Variants in PPM1B observed in about 807,000 individuals in gnomAD.
PPM1B encodes the protein protein phosphatase 1B.
PPM1B carries 22 observed loss-of-function variants against 43.0 expected under a neutral mutation model. That is an observed-to-expected ratio of 0.51 (90% CI 0.37 to 0.73). PPM1B has a LOEUF of 0.73. Among genes scored for constraint, PPM1B ranks in the 30% least tolerant of loss-of-function variants. PPM1B has a pLI of 0.00. For synonymous variants in PPM1B, 217 were observed against 197.9 expected (o/e 1.10, Z -0.81); for missense variants, 632 against 584.2 (o/e 1.08, Z -0.84).
chr2:44,222,758 C>G (rs987548303), intron 5 of PPM1B, among the ~76,000 whole-genome samples: 1 of 152,084 alleles, frequency 6.6e-6, no homozygotes, highest in Non-Finnish European at 1.5e-5. Flanking sequence ...ATGTCTGTAC[C>G]CCACCTGTGT....
intron 5 of PPM1B, among the ~76,000 whole-genome samples, chr2:44,242,440 A>T (rs1670770175): frequency 6.6e-6 from 1 of 152,198 alleles, no homozygotes; most frequent in Non-Finnish European, 1.5e-5. Context: ...TCTGGGCAAT[A>T]GGTAAAATTG....
At chr2:44,193,861 G>C (rs1035301316) in intron 1 of PPM1B, among the ~76,000 whole-genome samples, 3 of 152,104 alleles carry the variant, frequency 2.0e-5, no homozygotes, top group Non-Finnish European at 2.9e-5. Flanking sequence ...TTACAGGCGT[G>C]AGCCACTGTG....
In PPM1B at chr2:44,231,036, A is replaced by G. The variant is rs867312019; in HGVS notation, c.*318A>G. The G allele has an allele frequency of 1.1e-6, 1 of 936,398 alleles. No individual in the cohort carries two copies. Among genetic ancestry groups the G allele is most frequent in the Non-Finnish European group, 1.3e-6 (1 of 775,360 alleles). The allele number at this position is 936,398 out of a possible 1,614,324, so 58.0% of individuals were successfully genotyped here. A position where few individuals can be genotyped will look rare whatever the true frequency, so the allele number is the denominator to read the frequency against. On this transcript the variant is annotated 3_prime_UTR_variant, in exon 6 of 6. Transcript: ENST00000282412. ...ATTAGAAATTTTGATTAGAGAGATT[A>G]TGCTATATTATGGAAAAACTTGTTA...
intron 1 of PPM1B, among the ~76,000 whole-genome samples, chr2:44,197,106 G>C (rs992934549): frequency 1.3e-5 from 2 of 152,046 alleles, no homozygotes; most frequent in Admixed American, 1.3e-4. Flanking sequence ...CCCCTACCCA[G>C]TTTCCACTAA....
In PPM1B at chr2:44,230,545, G is replaced by A. The variant is rs758695856; in HGVS notation, c.1267G>A (p.Val423Ile). ...EMLTSYRLAK[V>I]EGEESPAEPA... ...GCTGACTAGTTACAGGCTAGCTAAA[G>A]TAGAGGGAGAAGAAAGCCCTGCTGA... The change falls in exon 6 of 6, where the codon GTA (valine) becomes ATA (isoleucine). Residue 423 changes from valine (V) to isoleucine (I), a missense_variant. By Grantham distance (29) the Val-to-Ile change is conservative. Coordinates refer to ENST00000282412, the MANE Select transcript of PPM1B (RefSeq NM_002706.6). 4 of 1,614,162 alleles carry A rather than the reference G, an allele frequency of 2.5e-6. No homozygotes were observed. Among genetic ancestry groups the A allele is most frequent in the Non-Finnish European group, 3.4e-6 (4 of 1,180,006 alleles).
At chr2:44,213,257 G>A (rs904347135) in intron 3 of PPM1B, among the ~76,000 whole-genome samples, 4 of 151,170 alleles carry the variant, frequency 2.6e-5, no homozygotes, top group Middle Eastern at 3.4e-3. Flanking sequence ...TTCTTTGTGG[G>A]AGGACTTTGA....
exon 6 of PPM1B, chr2:44,244,350 C>T (rs771107868): frequency 7.4e-7 from 1 of 1,357,596 alleles, no homozygotes; most frequent in South Asian, 1.1e-5. Flanking sequence ...TTTGTAAACC[C>T]GAACGAAAAA....
intron 5 of PPM1B, among the ~76,000 whole-genome samples, chr2:44,242,159 G>A (rs1253312298): frequency 6.6e-6 from 1 of 152,030 alleles, no homozygotes; most frequent in Non-Finnish European, 1.5e-5. Flanking sequence ...CGCCTGGCCA[G>A]AAAATAATCT....
At chr2:44,177,819 C>G (rs1025069046) in intron 1 of PPM1B, among the ~76,000 whole-genome samples, 1 of 150,218 alleles carries the variant, frequency 6.7e-6, no homozygotes, top group Non-Finnish European at 1.5e-5. Flanking sequence ...GTTCTTGTCA[C>G]TTAATATTTT....
chr2:44,177,460 C>T (rs189889047), intron 1 of PPM1B, among the ~76,000 whole-genome samples: 1 of 130,520 alleles, frequency 7.7e-6, no homozygotes, highest in East Asian at 2.3e-4. Context: ...CTCTTGTTGC[C>T]CAGGCTGGAG....
downstream of PPM1B, among the ~76,000 whole-genome samples, chr2:44,237,801 T>C (rs1336186510): frequency 6.6e-6 from 1 of 152,250 alleles, no homozygotes; most frequent in African/African-American, 2.4e-5. Context: ...TGATACCTTC[T>C]TTCCCTCTCC....
intron 1 of PPM1B, among the ~76,000 whole-genome samples, chr2:44,178,013 GCTCCAGTGATC>G (rs1251851710): frequency 1.3e-5 from 2 of 150,816 alleles, no homozygotes; most frequent in African/African-American, 4.9e-5. Context: ...GCCCTCCCAG[GCTCCAGTGATC>G]CTCCCACCTC....
downstream of PPM1B, among the ~76,000 whole-genome samples, chr2:44,238,562 C>G (rs1670679533): frequency 6.6e-6 from 1 of 151,948 alleles, no homozygotes; most frequent in African/African-American, 2.4e-5. Flanking sequence ...ATTAGCTGAG[C>G]CTGGTGGCGG....
downstream of PPM1B, among the ~76,000 whole-genome samples, chr2:44,237,943 CAGGCTGG>C (rs1182653059): frequency 6.6e-6 from 1 of 152,152 alleles, no homozygotes. Flanking sequence ...GTTTGTTGCC[CAGGCTGG>C]AGTGCAATGG....
chr2:44,235,147 T>C (rs971309473), downstream of PPM1B, among the ~76,000 whole-genome samples: 4 of 152,226 alleles, frequency 2.6e-5, no homozygotes, highest in Non-Finnish European at 5.9e-5. Context: ...AGGACTTTTC[T>C]TAGTTTGTTA....
chr2:44,228,187 CTT>C lies in PPM1B; in HGVS notation c.1135-2207_1135-2206del, dbSNP rs372577752. On this transcript the variant is annotated intron_variant, in intron 5 of 5. Transcript: ENST00000282412. Reference sequence around the variant, plus strand: ...TCCACCCGCCTCAGCCTAACAAGCCCTTTTTTTTTTTTTTTTTTTTAAGAGGG... The same window carrying C: ...TCCACCCGCCTCAGCCTAACAAGCCCTTTTTTTTTTTTTTTTTTAAGAGGG... 3.1e-4 allele frequency among the ~76,000 whole-genome samples: 36 copies of C among 115,154 alleles called. 1 individual carries two copies. The highest frequency in any genetic ancestry group is 8.6e-4 in the African/African-American group (26 of 30,228). 75.5% of individuals were successfully genotyped at this position (115,154 alleles called of 152,430 possible).
At chr2:44,229,371 A>G (rs1035454239) in intron 5 of PPM1B, among the ~76,000 whole-genome samples, 3 of 152,106 alleles carry the variant, frequency 2.0e-5, no homozygotes, top group South Asian at 2.1e-4. Context: ...GACTATTGTA[A>G]TTGTTATTTT....
chr2:44,175,181 G>C (rs1667523945), intron 1 of PPM1B, among the ~76,000 whole-genome samples: 1 of 152,150 alleles, frequency 6.6e-6, no homozygotes, highest in African/African-American at 2.4e-5. Flanking sequence ...TTGAACCCAG[G>C]AGGTGGAGGT....
Position 44,201,778 on chromosome 2 carries a change from T to C in PPM1B, c.579T>C (p.Asn193=). The C allele has an allele frequency of 1.2e-6, 2 of 1,614,244 alleles. No homozygotes were observed. The highest frequency in any genetic ancestry group is 1.7e-6 in the Non-Finnish European group (2 of 1,180,034). ...GCAGCGTGATGATACAACGTGTTAA[T>C]GGTTCATTAGCAGTATCTCGTGCTC... ...AGGSVMIQRV[N]GSLAVSRALG... is the part of the protein sequence containing the mutation. The change falls in exon 2 of 6, where the codon AAT becomes AAC. Residue 193 remains asparagine, a synonymous_variant. Coordinates refer to ENST00000282412, the MANE Select transcript of PPM1B (RefSeq NM_002706.6). This position sits in a 1 kb window ranked among gnomAD's most constrained non-coding sequence, Gnocchi z 5.4.
Sources: allele counts gnomAD v4.1 joint callset (sites outside exome capture counted in the v4.1 genomes callset), GRCh38; gene constraint gnomAD v4.1.1; non-coding constraint Gnocchi (gnomAD v3.1); transcripts MANE v1.5; gene names NCBI Gene and HGNC (gene_info 2026-07-23, HGNC 2026-07-21).